Variants in PLXDC2 observed in about 807,000 individuals in gnomAD.
PLXDC2 encodes the protein plexin domain containing 2, also known as plexin domain-containing protein 2.
A neutral mutation model predicts 68.9 loss-of-function variants in PLXDC2; 40 were observed. The ratio of observed to expected loss-of-function variants is 0.58; its 90% CI spans 0.45 to 0.76. PLXDC2 has a LOEUF of 0.76. Ranked by LOEUF, PLXDC2 falls within the 30% of genes least tolerant of loss-of-function variation. The pLI is 0.00. For missense variants in PLXDC2, 644 were observed against 661.9 expected, an observed-to-expected ratio of 0.97 and a Z score of 0.30; for synonymous variants, 243 against 234.2, an observed-to-expected ratio of 1.04 and a Z score of -0.34.
At chr10:20,000,441 A>G (rs1834916294) in intron 1 of PLXDC2, among the ~76,000 whole-genome samples, 1 of 152,014 alleles carries the variant, frequency 6.6e-6, no homozygotes, top group Non-Finnish European at 1.5e-5. Flanking sequence ...TCTAGATGGC[A>G]GACATCATGG....
intron 1 of PLXDC2, among the ~76,000 whole-genome samples, chr10:19,947,707 C>CTTTTTTTTTTTTTTTTTTCTTTT (rs34439585): frequency 8.3e-6 from 1 of 120,974 alleles, no homozygotes; most frequent in Non-Finnish European, 1.7e-5. Context: ...TTCTTTCTTT[C>CTTTTTTTTTTTTTTTTTTCTTTT]TTTTTTTTTT....
chr10:19,818,229 TG>T (rs1836393612), intron 1 of PLXDC2, among the ~76,000 whole-genome samples: 1 of 34,042 alleles, frequency 2.9e-5, no homozygotes, highest in African/African-American at 8.4e-5. Flanking sequence ...TCTTTTCTGG[TG>T]TGTGTGTGTG....
intron 12 of PLXDC2, among the ~76,000 whole-genome samples, chr10:20,241,110 C>T (rs970624496): frequency 7.0e-6 from 1 of 142,922 alleles, no homozygotes; most frequent in Non-Finnish European, 1.5e-5. Flanking sequence ...GGTGTCTTGA[C>T]ATCTAAAGCA....
intron 1 of PLXDC2, among the ~76,000 whole-genome samples, chr10:19,976,869 C>T (rs1834466147): frequency 1.3e-5 from 2 of 149,940 alleles, no homozygotes; most frequent in African/African-American, 2.5e-5. Flanking sequence ...CGTTTCTTCC[C>T]CTTATTTTTT....
chr10:19,897,172 A>G (rs1838071690), intron 1 of PLXDC2, among the ~76,000 whole-genome samples: 2 of 151,222 alleles, frequency 1.3e-5, no homozygotes, highest in Non-Finnish European at 2.9e-5. Flanking sequence ...TTTCAGAATG[A>G]TATGAGTCTG....
chr10:20,097,783 T>C (rs531448581), intron 4 of PLXDC2, among the ~76,000 whole-genome samples: 1 of 152,186 alleles, frequency 6.6e-6, no homozygotes, highest in African/African-American at 2.4e-5. Flanking sequence ...GAAAATATAT[T>C]CTCTTGAAAT....
chr10:20,137,361 G>T (rs1046927032), intron 4 of PLXDC2, among the ~76,000 whole-genome samples: 2 of 152,182 alleles, frequency 1.3e-5, no homozygotes, highest in African/African-American at 4.8e-5. Context: ...GGTACACAGA[G>T]TTTAAGTAAC....
intron 12 of PLXDC2, among the ~76,000 whole-genome samples, chr10:20,242,733 T>C (rs999546242): frequency 6.6e-6 from 1 of 152,056 alleles, no homozygotes; most frequent in East Asian, 1.9e-4. Flanking sequence ...TTTTATGAGG[T>C]GGAGTCTCGC....
chr10:20,265,216 T>C (rs1017311546), intron 13 of PLXDC2, among the ~76,000 whole-genome samples: 1 of 152,196 alleles, frequency 6.6e-6, no homozygotes, highest in Non-Finnish European at 1.5e-5. Context: ...CAATGTTCTT[T>C]CCATGAGTTC....
intron 1 of PLXDC2, among the ~76,000 whole-genome samples, chr10:19,824,514 C>G (rs545617903): frequency 6.6e-6 from 1 of 152,304 alleles, no homozygotes; most frequent in East Asian, 1.9e-4. Flanking sequence ...TGGCTTTATT[C>G]TGAGCACATT....
At chr10:19,910,944 G>T (rs898313686) in intron 1 of PLXDC2, among the ~76,000 whole-genome samples, 1 of 152,124 alleles carries the variant, frequency 6.6e-6, no homozygotes, top group Non-Finnish European at 1.5e-5. Flanking sequence ...GGGAGGCAAA[G>T]GTTGCAGTGA....
At position 20,012,024 on chromosome 10, in the gene PLXDC2, ATGAACC is replaced by A. The variant is rs145621242; in HGVS notation, c.324+10040_324+10045del. Among the ~76,000 whole-genome samples, 700 of 152,304 alleles carry A rather than the reference ATGAACC, an allele frequency of 4.6e-3. 5 individuals are homozygous for A. Among genetic ancestry groups the A allele is most frequent in the African/African-American group, 0.016 (654 of 41,560 alleles). ...TGTATGGTGGCAACCAGAATTTTCT[ATGAACC>A]TTCCCCAAAAATGTCTCTTGTGTCT... is the stretch of plus-strand genomic sequence containing the variant. On this transcript the variant is annotated intron_variant, in intron 2 of 13. Coordinates refer to ENST00000377252, the MANE Select transcript of PLXDC2 (RefSeq NM_032812.9).
Position 20,209,060 on chromosome 10 carries a change from C to T in PLXDC2, c.1062-2609C>T, listed in dbSNP as rs560614463. On this transcript the variant is annotated intron_variant, in intron 9 of 13. Transcript: ENST00000377252. ...GGACCACAGGACCACAGGACGGGGG[C>T]GAAATTAAAATTGCTAATGAAGTTT... Among the ~76,000 whole-genome samples the T allele has an allele frequency of 3.7e-4, 56 of 152,030 alleles. No individual in the cohort carries two copies. The East Asian group carries it at 4.7e-3, about 13-fold the overall frequency.
At chr10:20,005,064 A>G (rs540358032) in intron 2 of PLXDC2, among the ~76,000 whole-genome samples, 2 of 152,080 alleles carry the variant, frequency 1.3e-5, no homozygotes, top group African/African-American at 2.4e-5. Context: ...AGGTTTTAGT[A>G]TTTTCCTAAG....
intron 1 of PLXDC2, among the ~76,000 whole-genome samples, chr10:19,987,404 T>C (rs1200678555): frequency 6.6e-6 from 1 of 152,038 alleles, no homozygotes; most frequent in African/African-American, 2.4e-5. Context: ...TCCCAGAACA[T>C]AATTTTTTAC....
At chr10:20,078,367 A>T (rs1245700731) in intron 4 of PLXDC2, among the ~76,000 whole-genome samples, 2 of 152,212 alleles carry the variant, frequency 1.3e-5, no homozygotes, top group East Asian at 1.9e-4. Flanking sequence ...AGAGTGACAG[A>T]GCAAGATCTT....
chr10:20,115,144 G>A (rs1434532767), intron 4 of PLXDC2, among the ~76,000 whole-genome samples: 1 of 152,118 alleles, frequency 6.6e-6, no homozygotes, highest in Non-Finnish European at 1.5e-5. Context: ...ATAAACCAGA[G>A]GGCCAGCACG....
chr10:20,225,813 A>ATTT (rs138014212), intron 12 of PLXDC2, among the ~76,000 whole-genome samples: 1 of 151,686 alleles, frequency 6.6e-6, no homozygotes, highest in African/African-American at 2.4e-5. Flanking sequence ...CTGAGCACCA[A>ATTT]TTTTTTTTTA....
chr10:19,855,655 T>C (rs1172388283), intron 1 of PLXDC2, among the ~76,000 whole-genome samples: 7 of 152,240 alleles, frequency 4.6e-5, no homozygotes, highest in Non-Finnish European at 2.9e-5. Flanking sequence ...TTGAGCATCA[T>C]GTCAGCCCTC....
Sources: allele counts gnomAD v4.1 joint callset (sites outside exome capture counted in the v4.1 genomes callset), GRCh38; gene constraint gnomAD v4.1.1; transcripts MANE v1.5; gene names NCBI Gene and HGNC (gene_info 2026-07-23, HGNC 2026-07-21).